FREM1: variants seen among roughly 807,000 people sequenced by gnomAD.
The protein encoded by FREM1 is FRAS1-related extracellular matrix protein 1.
FREM1 carries 220 observed loss-of-function variants against 210.1 expected under a neutral mutation model. That is an observed-to-expected ratio of 1.05 (90% CI 0.94 to 1.17). The LOEUF (loss-of-function observed/expected upper bound fraction) is 1.17, where lower values mean the gene tolerates loss of function less well. FREM1 is among the 50% of genes most tolerant of loss of function. FREM1 has a pLI of 0.00. For synonymous variants in FREM1, 1,189 were observed against 980.2 expected (o/e 1.21, Z -3.98); for missense variants, 3,454 against 2,675.5 (o/e 1.29, Z -6.42).
intron 28 of FREM1, among the ~76,000 whole-genome samples, chr9:14,758,289 C>T (rs1295931080): frequency 2.0e-5 from 3 of 152,166 alleles, no homozygotes; most frequent in Non-Finnish European, 4.4e-5. Flanking sequence ...CATAAGGTTC[C>T]ATGTAACACC....
At chr9:14,813,546 C>G (rs1386326425) in intron 15 of FREM1, among the ~76,000 whole-genome samples, 4 of 152,178 alleles carry the variant, frequency 2.6e-5, no homozygotes, top group Non-Finnish European at 5.9e-5. Context: ...TTTCTCTGGA[C>G]TTATAATAAG....
At chr9:14,777,443 G>A (rs1220509813) in intron 24 of FREM1, among the ~76,000 whole-genome samples, 1 of 152,128 alleles carries the variant, frequency 6.6e-6, no homozygotes, top group African/African-American at 2.4e-5. Flanking sequence ...CCAAAGAAAT[G>A]TACTTAGAAA....
intron 24 of FREM1, among the ~76,000 whole-genome samples, chr9:14,777,769 T>A (rs945030478): frequency 6.6e-6 from 1 of 152,162 alleles, no homozygotes; most frequent in African/African-American, 2.4e-5. Context: ...TGAGCATTGA[T>A]CCTTTTGAGC....
chr9:14,888,918 A>G (rs952356761), intron 1 of FREM1, among the ~76,000 whole-genome samples: 1 of 152,000 alleles, frequency 6.6e-6, no homozygotes, highest in African/African-American at 2.4e-5. Flanking sequence ...AAACATATAG[A>G]AAAAAAATAT....
Position 14,812,768 on chromosome 9 carries a change from C to G in FREM1, c.2893+44G>C, listed in dbSNP as rs1588130059. 8.3e-6 allele frequency: 13 copies of G among 1,562,874 alleles called. No individual in the cohort carries two copies. In the East Asian group the frequency reaches 2.9e-4, roughly 35 times the overall value. The stretch of plus-strand genomic sequence containing the variant: ...GCCCACACTGAGGAGTGGAGACTCT[C>G]ATGTTGCTTGCATTCCCTCACTGGT... On this transcript the variant is annotated intron_variant, in intron 16 of 36. Transcript: ENST00000380880.
At chr9:14,835,732 G>A (rs902674238) in intron 10 of FREM1, among the ~76,000 whole-genome samples, 6 of 152,092 alleles carry the variant, frequency 3.9e-5, no homozygotes, top group South Asian at 2.1e-4. Context: ...AATCCAAAAG[G>A]CCTATGTAAA....
At chr9:14,792,272 G>GCACACACACACACACACACGCA (rs1851519549) in intron 22 of FREM1, among the ~76,000 whole-genome samples, 2 of 142,244 alleles carry the variant, frequency 1.4e-5, no homozygotes, top group African/African-American at 5.4e-5. Flanking sequence ...ACACACACAC[G>GCACACACACACACACACACGCA]CACACACACA....
Position 14,833,134 on chromosome 9 carries a change from A to T in FREM1, c.1882-8142T>A, listed in dbSNP as rs149196264. 7.9e-5 allele frequency among the ~76,000 whole-genome samples: 12 copies of T among 152,268 alleles called. No homozygotes were observed. In the East Asian group the frequency reaches 2.3e-3, roughly 29 times the overall value. On this transcript the variant is annotated intron_variant, in intron 10 of 36. Transcript: ENST00000380880. ...GCCTGGGTAAGGGCCACAAAATCAA[A>T]TAAGCCAGTTTGTCACTCTGGGTGG... is the stretch of plus-strand genomic sequence containing the variant.
rs115820657 is a variant in FREM1 at position 14,783,127 on chromosome 9, T to C, written c.4442+1243A>G. Among the ~76,000 whole-genome samples, 533 of 152,334 alleles carry C rather than the reference T, an allele frequency of 3.5e-3. 2 individuals carry two copies. Among genetic ancestry groups the C allele is most frequent in the African/African-American group, 0.012 (512 of 41,562 alleles). Reference sequence around the variant, plus strand: ...TTATCAAGAGAAAAAAATAAGATATTCGTTCCAGCTTTCTGGGATTTTTTG... The same window carrying C: ...TTATCAAGAGAAAAAAATAAGATATCCGTTCCAGCTTTCTGGGATTTTTTG... On this transcript the variant is annotated intron_variant, in intron 24 of 36. Coordinates refer to ENST00000380880, the MANE Select transcript of FREM1 (RefSeq NM_001379081.2).
At chr9:14,811,459 A>C (rs1819389052) in intron 16 of FREM1, among the ~76,000 whole-genome samples, 1 of 152,232 alleles carries the variant, frequency 6.6e-6, no homozygotes, top group African/African-American at 2.4e-5. Context: ...CTTTTCTGCC[A>C]GTCTATTTCA....
chr9:14,844,578 G>T (rs981223090), intron 8 of FREM1, among the ~76,000 whole-genome samples: 1 of 152,122 alleles, frequency 6.6e-6, no homozygotes, highest in African/African-American at 2.4e-5. Flanking sequence ...TTCACACCAC[G>T]TGGCTGTGTT....
At chr9:14,759,504 T>A (rs1295233849) in intron 28 of FREM1, among the ~76,000 whole-genome samples, 3 of 6,230 alleles carry the variant, frequency 4.8e-4, no homozygotes, top group African/African-American at 1.1e-3. Context: ...GAGCGAGACT[T>A]TGTCTCAAAA....
intron 15 of FREM1, among the ~76,000 whole-genome samples, chr9:14,813,925 C>T (rs1257706931): frequency 3.3e-5 from 5 of 152,160 alleles, no homozygotes; most frequent in Admixed American, 6.5e-5. Context: ...CACTGCCTTT[C>T]GGAGACCTTC....
At chr9:14,802,282 C>A (rs1033768077) in intron 19 of FREM1, among the ~76,000 whole-genome samples, 1 of 152,204 alleles carries the variant, frequency 6.6e-6, no homozygotes, top group South Asian at 2.1e-4. Context: ...GATCTCCTTG[C>A]TTCTACAAGT....
intron 20 of FREM1, 32 bp downstream of exon 20, chr9:14,801,620 T>A (rs746148053): frequency 6.3e-6 from 9 of 1,423,084 alleles, no homozygotes; most frequent in Non-Finnish European, 8.9e-6. Flanking sequence ...CAATCAACAA[T>A]AACAAATGCA....
intron 27 of FREM1, among the ~76,000 whole-genome samples, chr9:14,764,541 T>C (rs967244037): frequency 6.6e-6 from 1 of 152,222 alleles, no homozygotes; most frequent in African/African-American, 2.4e-5. Flanking sequence ...TTAAAACATA[T>C]GTATGCTATT....
Position 14,801,796 on chromosome 9 carries a change from G to C in FREM1, c.3550C>G (p.Leu1184Val). Residue 1184 changes from leucine (L) to valine (V), a missense_variant, in exon 20 of 37, where the codon CTG (leucine) becomes GTG (valine). Leu to Val is a conservative substitution (Grantham distance 32, BLOSUM62 1). Transcript: ENST00000380880. The stretch of plus-strand genomic sequence containing the variant: ...CGTGGCTTTTGAGTGATGCTGAACA[G>C]CAGGGCATCCTGGGGAATGTCCAGG... Reference protein sequence around the residue: ...VDLDIPQDALLFSITQKPRHG... With the variant: ...VDLDIPQDALVFSITQKPRHG... 6.2e-7 allele frequency: 1 copy of C among 1,613,990 alleles called. No homozygotes were observed. The highest frequency in any genetic ancestry group is 2.2e-5 in the East Asian group (1 of 44,880).
intron 10 of FREM1, among the ~76,000 whole-genome samples, chr9:14,834,647 G>T (rs540508208): frequency 4.6e-5 from 7 of 152,126 alleles, no homozygotes; most frequent in Middle Eastern, 3.4e-3. Flanking sequence ...CTGGCTTTTT[G>T]AATGGTTCAG....
chr9:14,756,716 A>G (rs1342749249), intron 28 of FREM1, among the ~76,000 whole-genome samples: 4 of 152,232 alleles, frequency 2.6e-5, no homozygotes, highest in East Asian at 1.9e-4. Context: ...TATTGAAGAA[A>G]GGAACATGAA....
Sources: allele counts gnomAD v4.1 joint callset (sites outside exome capture counted in the v4.1 genomes callset), GRCh38; gene constraint gnomAD v4.1.1; transcripts MANE v1.5; gene names NCBI Gene and HGNC (gene_info 2026-07-23, HGNC 2026-07-21).